Variants in CHMP3 observed in about 807,000 individuals in gnomAD.
CHMP3 encodes the protein 25.1 protein.
CHMP3 carries 8 observed loss-of-function variants against 27.4 expected under a neutral mutation model. The ratio of observed to expected loss-of-function variants is 0.29; its 90% CI spans 0.17 to 0.53. CHMP3 has a LOEUF of 0.53. Among genes scored for constraint, CHMP3 ranks in the 20% least tolerant of loss-of-function variants. The pLI, the probability that CHMP3 is intolerant of heterozygous loss-of-function variation, is 0.96. For synonymous variants in CHMP3, 86 were observed against 85.5 expected, an observed-to-expected ratio of 1.01 and a Z score of -0.03; for missense variants, 208 against 271.5, an observed-to-expected ratio of 0.77 and a Z score of 1.64.
chr2:86,541,053 T>G (rs2103981754), intron 2 of CHMP3: 1 of 152,200 alleles, frequency 6.6e-6, no homozygotes, highest in East Asian at 1.9e-4. Context: ...AGCCGTGAAG[T>G]CTTTTAAGTC....
intron 3 of CHMP3, among the ~76,000 whole-genome samples, chr2:86,513,652 A>G (rs1675187718): frequency 6.6e-6 from 1 of 152,178 alleles, no homozygotes; most frequent in African/African-American, 2.4e-5. Flanking sequence ...TGTGAACCTA[A>G]AACTGCTCAA....
intron 3 of CHMP3, among the ~76,000 whole-genome samples, chr2:86,521,222 C>T (rs1002523860): frequency 6.6e-6 from 1 of 152,066 alleles, no homozygotes; most frequent in Non-Finnish European, 1.5e-5. Flanking sequence ...CCACCTGCAC[C>T]CAGGTGAAAT....
chr2:86,517,724 T>A (rs1295739130), intron 3 of CHMP3, among the ~76,000 whole-genome samples: 1 of 151,568 alleles, frequency 6.6e-6, no homozygotes, highest in African/African-American at 2.4e-5. Context: ...TTAAATTTTT[T>A]AAAAATTAGC....
chr2:86,557,520 C>T (rs746567843), intron 1 of CHMP3, among the ~76,000 whole-genome samples: 32 of 152,184 alleles, frequency 2.1e-4, no homozygotes, highest in Non-Finnish European at 4.0e-4. Context: ...CTGCCCTCTA[C>T]CTACCTCTCC....
At chr2:86,552,080 A>G (rs1676925844) in intron 1 of CHMP3, among the ~76,000 whole-genome samples, 1 of 152,236 alleles carries the variant, frequency 6.6e-6, no homozygotes, top group African/African-American at 2.4e-5. Context: ...AAAGATTAGT[A>G]AAGTTATGCT....
intron 1 of CHMP3, among the ~76,000 whole-genome samples, chr2:86,554,701 A>C (rs367746900): frequency 9.2e-5 from 14 of 152,296 alleles, no homozygotes; most frequent in African/African-American, 3.4e-4. Flanking sequence ...TACATAGCCT[A>C]AAGAAACTCT....
chr2:86,530,252 C>T (rs375071217), intron 2 of CHMP3, among the ~76,000 whole-genome samples: 1 of 152,156 alleles, frequency 6.6e-6, no homozygotes, highest in African/African-American at 2.4e-5. Flanking sequence ...CTCGGCCTCC[C>T]AAAGTGCTGA....
intron 5 of CHMP3, among the ~76,000 whole-genome samples, chr2:86,506,626 CTT>C (rs973270185): frequency 2.1e-4 from 27 of 131,284 alleles, no homozygotes; most frequent in Non-Finnish European, 2.3e-4. Context: ...TGTTTCGAAC[CTT>C]TTTTTTTTTT....
intron 3 of CHMP3, among the ~76,000 whole-genome samples, chr2:86,519,121 C>T (rs963702471): frequency 2.0e-5 from 3 of 152,108 alleles, no homozygotes; most frequent in Non-Finnish European, 4.4e-5. Flanking sequence ...CGCCTGTAAT[C>T]CCAGCACTTA....
intron 2 of CHMP3, among the ~76,000 whole-genome samples, chr2:86,535,797 C>A (rs548741669): frequency 3.5e-4 from 54 of 152,126 alleles, no homozygotes; most frequent in African/African-American, 1.3e-3. Context: ...TAAGCCACTG[C>A]GCCCAGCCTG....
rs1375322152 is a variant in CHMP3, at chr2:86,558,522, A to G, written c.45+4782T>C. 2.0e-5 allele frequency among the ~76,000 whole-genome samples: 3 copies of G among 152,198 alleles called. No homozygotes were observed. The East Asian group carries it at 5.8e-4, about 29-fold the overall frequency. On this transcript the variant is annotated intron_variant, in intron 1 of 5. Coordinates refer to ENST00000263856, the MANE Select transcript of CHMP3 (RefSeq NM_016079.4). The stretch of plus-strand genomic sequence containing the variant: ...TAGCACCCACTGCACGCTGCATATT[A>G]TATCAGAGCTCTGGAGATACCACCC...
At chr2:86,517,236 A>G (rs192135668) in intron 3 of CHMP3, among the ~76,000 whole-genome samples, 1 of 152,336 alleles carries the variant, frequency 6.6e-6, no homozygotes, top group African/African-American at 2.4e-5. Flanking sequence ...CCATGTTGTA[A>G]TATCAACAAC....
chr2:86,510,476 A>G lies in CHMP3; in HGVS notation c.290T>C (p.Val97Ala). 6.2e-7 allele frequency: 1 copy of G among 1,612,340 alleles called. No individual in the cohort carries two copies. Among genetic ancestry groups the G allele is most frequent in the Non-Finnish European group, 8.5e-7 (1 of 1,180,008 alleles). ...CTGCAGGGAACCAGCCACTCGCAAG[A>G]CCGCTGAAAGAGAATGTGTACAGTC... ...VLMGMKNQLA[V>A]LRVAGSLQKS... The change falls in exon 4 of 6, where the codon GTC becomes GCC. Residue 97 changes from valine to alanine, a missense_variant. This residue lies in a region of CHMP3 where 94 missense variants were observed against 159.6 expected (regional missense o/e 0.59). Transcript: ENST00000263856.
rs565207044 is a variant in CHMP3 at position 86,545,655 on chromosome 2, C to T, written c.46-3343G>A. 3.0e-3 allele frequency among the ~76,000 whole-genome samples: 426 copies of T among 140,978 alleles called. 3 individuals are homozygous for T. The highest frequency in any genetic ancestry group is 5.0e-3 in the Non-Finnish European group (325 of 65,124). 92.5% of individuals were successfully genotyped at this position (140,978 alleles called of 152,430 possible). On this transcript the variant is annotated intron_variant, in intron 1 of 5. Transcript: ENST00000263856. Reference sequence around the variant, plus strand: ...GCAGAGGCGCTCCTCAGTTCCCAGACGGGGTGGCCGGGCAGAGGCACTCCT... The same window carrying T: ...GCAGAGGCGCTCCTCAGTTCCCAGATGGGGTGGCCGGGCAGAGGCACTCCT...
chr2:86,506,651 A>G (rs541454246), intron 5 of CHMP3, among the ~76,000 whole-genome samples: 26 of 142,836 alleles, frequency 1.8e-4, no homozygotes, highest in Non-Finnish European at 3.5e-4. Context: ...TTTTTGAGAC[A>G]GGCTGGACTG....
chr2:86,553,886 T>C (rs777744067), intron 1 of CHMP3, among the ~76,000 whole-genome samples: 7 of 152,330 alleles, frequency 4.6e-5, no homozygotes, highest in Non-Finnish European at 8.8e-5. Flanking sequence ...TATCAAATAA[T>C]AGCAAAGTGC....
At position 86,505,899 on chromosome 2, in the gene CHMP3, C is replaced by G. The variant is rs756370546; in HGVS notation, c.574G>C (p.Glu192Gln). ...GAGGCAGCCATCGCTCCTGGAGGTT[C>G]TGGCTCTGGAAGGGCATCAGTCACT... ...SKVTDALPEP[E>Q]PPGAMAASED... Residue 192 changes from glutamate (E) to glutamine (Q), a missense_variant, in exon 6 of 6, where the codon GAA becomes CAA. Glu to Gln is a conservative substitution (Grantham distance 29). Transcript: ENST00000263856. 1.5e-5 allele frequency: 24 copies of G among 1,594,044 alleles called. No homozygotes were observed. Among genetic ancestry groups the G allele is most frequent in the Non-Finnish European group, 1.8e-5 (21 of 1,168,814 alleles).
chr2:86,505,876 GGCA>G lies in CHMP3; in HGVS notation c.594_596del (p.Ala199del). ...CTTCCTCCTCCTCCTCATCCTCTGA[GGCA>G]GCCATCGCTCCTGGAGGTTCTGGCT... is the stretch of plus-strand genomic sequence containing the variant. On this transcript the variant is annotated inframe_deletion, in exon 6 of 6. Coordinates refer to ENST00000263856, the MANE Select transcript of CHMP3 (RefSeq NM_016079.4). The G allele has an allele frequency of 6.2e-7, 1 of 1,602,212 alleles. No homozygotes were observed. The highest frequency in any genetic ancestry group is 8.5e-7 in the Non-Finnish European group (1 of 1,174,044).
At chr2:86,532,045 T>C (rs1675943625) in intron 2 of CHMP3, among the ~76,000 whole-genome samples, 1 of 152,334 alleles carries the variant, frequency 6.6e-6, no homozygotes, top group East Asian at 1.9e-4. Context: ...TGCTTTGGGG[T>C]ACTACTGACA....
Sources: allele counts gnomAD v4.1 joint callset (sites outside exome capture counted in the v4.1 genomes callset), GRCh38; gene constraint gnomAD v4.1.1; regional missense constraint gnomAD v4.1.1; transcripts MANE v1.5; gene names NCBI Gene and HGNC (gene_info 2026-07-23, HGNC 2026-07-21).